Variants in SH3GL2 observed in about 807,000 individuals in gnomAD.
The protein encoded by SH3GL2 is SH3 domain containing GRB2 like 2, endophilin A1, also known as endophilin-A1.
In SH3GL2, 24 loss-of-function variants were observed where a neutral mutation model predicts 46.0. The observed-to-expected ratio is 0.52, with a 90% CI of 0.38 to 0.73. The LOEUF is 0.73. Among genes scored for constraint, SH3GL2 ranks in the 30% least tolerant of loss-of-function variants. The pLI is 0.00. For missense variants in SH3GL2, 413 were observed against 424.2 expected (o/e 0.97, Z 0.23); for synonymous variants, 196 against 147.1 (o/e 1.33, Z -2.40).
intron 1 of SH3GL2, among the ~76,000 whole-genome samples, chr9:17,675,951 A>G (rs751980468): frequency 2.6e-4 from 39 of 152,246 alleles, no homozygotes; most frequent in Non-Finnish European, 4.3e-4. Flanking sequence ...TCTCAAAAAA[A>G]TAAAAAAATA....
intron 1 of SH3GL2, among the ~76,000 whole-genome samples, chr9:17,740,924 C>T (rs1588291473): frequency 6.6e-6 from 1 of 152,120 alleles, no homozygotes; most frequent in African/African-American, 2.4e-5. Flanking sequence ...TAGGCATTTT[C>T]TTTTTCACGC....
At chr9:17,715,799 A>G (rs1821741550) in intron 1 of SH3GL2, among the ~76,000 whole-genome samples, 1 of 152,042 alleles carries the variant, frequency 6.6e-6, no homozygotes, top group Non-Finnish European at 1.5e-5. Context: ...ACCAAACATT[A>G]TAGCTTAGCC....
At chr9:17,621,102 C>T (rs190697776) in intron 1 of SH3GL2, among the ~76,000 whole-genome samples, 59 of 152,178 alleles carry the variant, frequency 3.9e-4, no homozygotes, top group African/African-American at 1.4e-3. Flanking sequence ...TATTAATGCC[C>T]TTTTGAAGAC....
intron 1 of SH3GL2, among the ~76,000 whole-genome samples, chr9:17,631,194 G>T (rs1819414039): frequency 6.6e-6 from 1 of 152,210 alleles, no homozygotes. Context: ...TTGTAGGCTT[G>T]TTTCATCAAC....
At chr9:17,586,021 A>ACTAT (rs1184233204) in intron 1 of SH3GL2, among the ~76,000 whole-genome samples, 2 of 152,200 alleles carry the variant, frequency 1.3e-5, no homozygotes, top group Non-Finnish European at 2.9e-5. Flanking sequence ...GAGAGCTATA[A>ACTAT]CTATACTTAT....
chr9:17,584,502 C>CAAAT (rs935603042), intron 1 of SH3GL2, among the ~76,000 whole-genome samples: 11 of 152,026 alleles, frequency 7.2e-5, no homozygotes, highest in East Asian at 3.9e-4. Flanking sequence ...GATTCTGTTT[C>CAAAT]AAATAAATAA....
chr9:17,630,555 G>A (rs972507780), intron 1 of SH3GL2: 2 of 152,242 alleles, frequency 1.3e-5, no homozygotes, highest in African/African-American at 4.8e-5. Context: ...AGGGCAGAAT[G>A]TGGTAGGCGG....
intron 1 of SH3GL2, among the ~76,000 whole-genome samples, chr9:17,695,756 G>A (rs537780855): frequency 2.0e-5 from 3 of 151,166 alleles, no homozygotes; most frequent in African/African-American, 7.4e-5. Context: ...GCAGGAATAA[G>A]CACAGAAAAA....
intron 3 of SH3GL2, among the ~76,000 whole-genome samples, chr9:17,772,968 G>A (rs1469244191): frequency 2.6e-5 from 4 of 152,100 alleles, no homozygotes; most frequent in African/African-American, 9.7e-5. Context: ...ACAAGGGTTC[G>A]AGTTACTCTA....
chr9:17,615,250 T>A (rs1818961681), intron 1 of SH3GL2, among the ~76,000 whole-genome samples: 1 of 152,192 alleles, frequency 6.6e-6, no homozygotes, highest in Non-Finnish European at 1.5e-5. Flanking sequence ...TACTGGGATA[T>A]TTTAGGAATT....
intron 1 of SH3GL2, among the ~76,000 whole-genome samples, chr9:17,743,600 A>ACACC (rs1554645782): frequency 1.4e-4 from 20 of 146,280 alleles, no homozygotes; most frequent in African/African-American, 2.5e-4. Context: ...ACACACACAC[A>ACACC]CCCCAAATAG....
chr9:17,784,065 A>T (rs763090884), intron 3 of SH3GL2, among the ~76,000 whole-genome samples: 8 of 152,290 alleles, frequency 5.3e-5, no homozygotes, highest in Admixed American at 1.3e-4. Flanking sequence ...GATTCTTAAT[A>T]TGTAATAAAT....
chr9:17,581,241 G>C (rs537270249), intron 1 of SH3GL2, among the ~76,000 whole-genome samples: 2 of 135,530 alleles, frequency 1.5e-5, no homozygotes, highest in African/African-American at 5.0e-5. Flanking sequence ...GTTCTGTGTC[G>C]CCCTAAAGTG....
intron 1 of SH3GL2, among the ~76,000 whole-genome samples, chr9:17,621,043 G>C (rs1819127109): frequency 6.6e-6 from 1 of 152,198 alleles, no homozygotes; most frequent in South Asian, 2.1e-4. Context: ...CAGAGTTTCA[G>C]TTGATTGCTG....
chr9:17,748,522 C>G (rs73642208), intron 2 of SH3GL2, among the ~76,000 whole-genome samples: 7,332 of 151,582 alleles, frequency 0.048, 552 homozygotes, highest in African/African-American at 0.17. Flanking sequence ...CATGAAGAGT[C>G]AAACAAAAAA....
At chr9:17,791,123 C>A in intron 6 of SH3GL2, 108 bp from the exon 7 acceptor site, 1 of 747,190 alleles carries the variant, frequency 1.3e-6, no homozygotes, top group South Asian at 1.6e-5. Flanking sequence ...GCACCACCAA[C>A]CAGGGGCTGT....
rs151318022 is a variant in SH3GL2 at position 17,777,285 on chromosome 9, A to G, written c.188-9096A>G. On this transcript the variant is annotated intron_variant, in intron 3 of 8. Transcript: ENST00000380607. Reference sequence around the variant, plus strand: ...TTCAAAAAGAGTAAACCCAGGTGGAATATTTATAAAGATAAAAGCTTCAGA... The same window carrying G: ...TTCAAAAAGAGTAAACCCAGGTGGAGTATTTATAAAGATAAAAGCTTCAGA... Among the ~76,000 whole-genome samples, 131 of 152,308 alleles carry G rather than the reference A, an allele frequency of 8.6e-4. 1 individual carries two copies. The highest frequency in any genetic ancestry group is 2.6e-3 in the African/African-American group (107 of 41,574).
intron 1 of SH3GL2, among the ~76,000 whole-genome samples, chr9:17,613,241 T>C (rs939106615): frequency 1.3e-5 from 2 of 152,202 alleles, no homozygotes; most frequent in African/African-American, 4.8e-5. Flanking sequence ...GTTAAATGCA[T>C]TCAATTAAAG....
chr9:17,706,047 A>G (rs1588259131), intron 1 of SH3GL2, among the ~76,000 whole-genome samples: 1 of 152,102 alleles, frequency 6.6e-6, no homozygotes, highest in African/African-American at 2.4e-5. Flanking sequence ...AAAGTAATAT[A>G]TAGAAAGTAT....
Sources: allele counts gnomAD v4.1 joint callset (sites outside exome capture counted in the v4.1 genomes callset), GRCh38; gene constraint gnomAD v4.1.1; transcripts MANE v1.5; gene names NCBI Gene and HGNC (gene_info 2026-07-23, HGNC 2026-07-21).